Variants in MTRF1 observed in about 807,000 individuals in gnomAD.
The protein encoded by MTRF1 is mitochondrial translation release factor 1.
MTRF1 carries 51 observed loss-of-function variants against 62.9 expected under a neutral mutation model. That is an observed-to-expected ratio of 0.81 (90% CI 0.65 to 1.02). The LOEUF (loss-of-function observed/expected upper bound fraction) is 1.02, where lower values mean the gene tolerates loss of function less well. Among genes scored for constraint, MTRF1 ranks in the 50% least tolerant of loss-of-function variants. The pLI, the probability that MTRF1 is intolerant of heterozygous loss-of-function variation, is 0.00. For synonymous variants in MTRF1, 158 were observed against 181.9 expected, an observed-to-expected ratio of 0.87 and a Z score of 1.06; for missense variants, 446 against 530.0, an observed-to-expected ratio of 0.84 and a Z score of 1.56.
chr13:41,224,982 CG>C (rs1479410586), intron 8 of MTRF1, among the ~76,000 whole-genome samples: 1 of 151,996 alleles, frequency 6.6e-6, no homozygotes, highest in Non-Finnish European at 1.5e-5. Flanking sequence ...GAGGCTCAGG[CG>C]GGCAGATCAC....
At position 41,217,242 on chromosome 13, in the gene MTRF1, G is replaced by A. The variant is rs1340670429; in HGVS notation, c.1225-14C>T. ...ACATAAAAATTCCTGGTAAAAGAGA[G>A]AGCTATTATGAAACCTAATGATTAG... On this transcript the variant is annotated splice_polypyrimidine_tract_variant and intron_variant, in intron 9 of 9. Transcript: ENST00000379480. 2.1e-6 allele frequency: 3 copies of A among 1,450,272 alleles called. No homozygotes were observed. The highest frequency in any genetic ancestry group is 3.6e-5 in the Admixed American group (2 of 55,912). 89.8% of individuals were successfully genotyped at this position (1,450,272 alleles called of 1,614,324 possible).
chr13:41,308,008 G>C, the MTRF1 span, among the ~76,000 whole-genome samples: 1 of 152,112 alleles, frequency 6.6e-6, no homozygotes, highest in South Asian at 2.1e-4. Context: ...GCTTCCCTGG[G>C]AGATGCTGGC....
the MTRF1 span, among the ~76,000 whole-genome samples, chr13:41,295,562 G>GA: frequency 1.2e-4 from 18 of 146,804 alleles, no homozygotes; most frequent in South Asian, 8.6e-4. Flanking sequence ...TAACAGGTCT[G>GA]AAAAAAAAAA....
At chr13:41,304,181 G>A in the MTRF1 span, among the ~76,000 whole-genome samples, 1 of 152,232 alleles carries the variant, frequency 6.6e-6, no homozygotes, top group East Asian at 1.9e-4. Flanking sequence ...GGTCTACTGT[G>A]TGAAATGCCA....
intron 9 of MTRF1, among the ~76,000 whole-genome samples, chr13:41,220,903 C>T (rs539122369): frequency 1.6e-4 from 24 of 152,114 alleles, no homozygotes; most frequent in Admixed American, 4.6e-4. Context: ...TGGGTGTCCA[C>T]TCCAAACAAA....
chr13:41,239,185 T>C (rs2037142088), intron 6 of MTRF1, among the ~76,000 whole-genome samples: 1 of 152,032 alleles, frequency 6.6e-6, no homozygotes, highest in Non-Finnish European at 1.5e-5. Flanking sequence ...AGGATCACCT[T>C]GAGCCCAGGA....
At position 41,228,637 on chromosome 13, in the gene MTRF1, TA is replaced by T. The variant is rs140527229; in HGVS notation, c.989-2070del. Among the ~76,000 whole-genome samples the T allele has an allele frequency of 3.5e-3, 537 of 151,912 alleles. 1 individual carries two copies. The highest frequency in any genetic ancestry group is 6.2e-3 in the Non-Finnish European group (419 of 67,894). On this transcript the variant is annotated intron_variant, in intron 7 of 9. Transcript: ENST00000379480. ...TTTTACTCACCAACTGGTAATAAAC[TA>T]AAAAAAGCCCACTTTAATGCACAAA...
intron 4 of MTRF1, 58 bp from the exon 5 acceptor site, chr13:41,252,810 G>A: frequency 6.8e-7 from 1 of 1,468,222 alleles, no homozygotes; most frequent in African/African-American, 1.4e-5. Flanking sequence ...CCACCCTTAA[G>A]ACTAAGTCCT....
intron 5 of MTRF1, among the ~76,000 whole-genome samples, chr13:41,240,868 G>C (rs2037398041): frequency 6.6e-6 from 1 of 152,270 alleles, no homozygotes; most frequent in East Asian, 1.9e-4. Context: ...ACCCTGTGTA[G>C]TCTTAGGCTA....
At chr13:41,272,790 C>T in the MTRF1 span, among the ~76,000 whole-genome samples, 6 of 152,152 alleles carry the variant, frequency 3.9e-5, no homozygotes, top group African/African-American at 7.2e-5. Context: ...TACCTTCCAT[C>T]GTCATGGAAG....
intron 5 of MTRF1, among the ~76,000 whole-genome samples, chr13:41,245,035 CTTTA>C (rs1360217105): frequency 6.6e-6 from 1 of 152,032 alleles, no homozygotes; most frequent in African/African-American, 2.4e-5. Context: ...TTCTTCACTC[CTTTA>C]TTATCTTTCT....
rs919106033 is a variant in MTRF1, at chr13:41,245,839, T to A, written c.698-5406A>T. On this transcript the variant is annotated intron_variant, in intron 5 of 9. Coordinates refer to ENST00000379480, the MANE Select transcript of MTRF1 (RefSeq NM_004294.4). ...AAATAGCAACCTGCTTTCTGGGACT[T>A]CCTGGCTGTTCTCCCTGGCTTTGGA... 6.6e-5 allele frequency among the ~76,000 whole-genome samples: 10 copies of A among 152,336 alleles called. No homozygotes were observed. In the South Asian group the frequency reaches 2.1e-3, roughly 32 times the overall value.
At chr13:41,302,483 C>T in the MTRF1 span, among the ~76,000 whole-genome samples, 3 of 151,916 alleles carry the variant, frequency 2.0e-5, 1 homozygote, top group South Asian at 6.2e-4. Context: ...ATTTCTGTGC[C>T]CCAATACAGG....
chr13:41,265,495 A>G (rs2139245126), upstream of MTRF1, among the ~76,000 whole-genome samples: 1 of 152,174 alleles, frequency 6.6e-6, no homozygotes, highest in Non-Finnish European at 1.5e-5. Context: ...TATTACTAAT[A>G]TTTATTTTTA....
At chr13:41,293,606 T>A in the MTRF1 span, among the ~76,000 whole-genome samples, 3 of 152,222 alleles carry the variant, frequency 2.0e-5, no homozygotes, top group African/African-American at 7.2e-5. Flanking sequence ...TACTTCACTT[T>A]AAGGCTCTTA....
chr13:41,281,869 G>T, the MTRF1 span, among the ~76,000 whole-genome samples: 1 of 152,188 alleles, frequency 6.6e-6, no homozygotes, highest in Admixed American at 6.5e-5. Context: ...GGGCACGGTG[G>T]CTCATGCCTG....
At chr13:41,307,273 G>T in the MTRF1 span, among the ~76,000 whole-genome samples, 1 of 152,134 alleles carries the variant, frequency 6.6e-6, no homozygotes, top group Non-Finnish European at 1.5e-5. Flanking sequence ...CATGGGGACA[G>T]ATTTTCCCCT....
chr13:41,242,410 C>CTGG (rs1361886975), intron 5 of MTRF1, among the ~76,000 whole-genome samples: 1 of 152,108 alleles, frequency 6.6e-6, no homozygotes, highest in African/African-American at 2.4e-5. Context: ...TACCCTAGAC[C>CTGG]TGGAATCAGC....
chr13:41,291,660 A>G, the MTRF1 span, among the ~76,000 whole-genome samples: 1 of 152,182 alleles, frequency 6.6e-6, no homozygotes, highest in East Asian at 1.9e-4. Context: ...TTCACAATGC[A>G]TACATTTCTT....
Sources: allele counts gnomAD v4.1 joint callset (sites outside exome capture counted in the v4.1 genomes callset), GRCh38; gene constraint gnomAD v4.1.1; transcripts MANE v1.5; gene names NCBI Gene and HGNC (gene_info 2026-07-23, HGNC 2026-07-21).